MALRD1: variants seen among roughly 807,000 people sequenced by gnomAD.
MALRD1 encodes the protein MAM and LDL-receptor class A domain-containing protein 1.
Under a neutral mutation model 242.1 loss-of-function variants are expected in MALRD1, and 247 were observed. The observed-to-expected ratio is 1.02, with a 90% CI of 0.92 to 1.13. The LOEUF (loss-of-function observed/expected upper bound fraction) is 1.13, where lower values mean the gene tolerates loss of function less well. Among genes scored for constraint, MALRD1 ranks in the 50% most tolerant of loss-of-function variants. The pLI, the probability that MALRD1 is intolerant of heterozygous loss-of-function variation, is 0.00. For synonymous variants in MALRD1, 995 were observed against 866.6 expected, an observed-to-expected ratio of 1.15 and a Z score of -2.60; for missense variants, 2,989 against 2,533.1, an observed-to-expected ratio of 1.18 and a Z score of -3.86.
intron 36 of MALRD1, among the ~76,000 whole-genome samples, chr10:19,635,139 A>G (rs1840072127): frequency 6.6e-6 from 1 of 152,174 alleles, no homozygotes; most frequent in Non-Finnish European, 1.5e-5. Context: ...TTAACTGGAG[A>G]ATGGAAGAAA....
In MALRD1 at chr10:19,573,019, C is replaced by G. The variant is rs117723248; in HGVS notation, c.5680+5316C>G. ...TTACTGCGACCTTAGAAAACTAATA[C>G]AATTGGGAACATTGAACTCTATTTT... On this transcript the variant is annotated intron_variant, in intron 33 of 39. Coordinates refer to ENST00000454679, the MANE Select transcript of MALRD1 (RefSeq NM_001142308.3). Among the ~76,000 whole-genome samples, 35 of 152,286 alleles carry G rather than the reference C, an allele frequency of 2.3e-4. No homozygotes were observed. The East Asian group carries it at 6.4e-3, about 28-fold the overall frequency.
chr10:19,479,860 G>T (rs1268536551), intron 29 of MALRD1, among the ~76,000 whole-genome samples: 1 of 152,152 alleles, frequency 6.6e-6, no homozygotes, highest in African/African-American at 2.4e-5. Flanking sequence ...ACGTGGAGAG[G>T]TACAGAACAT....
chr10:19,479,371 C>G (rs1836885838), intron 29 of MALRD1, among the ~76,000 whole-genome samples: 1 of 152,078 alleles, frequency 6.6e-6, no homozygotes, highest in Non-Finnish European at 1.5e-5. Flanking sequence ...GGAACAGCAC[C>G]TAAGGTGTGA....
upstream of MALRD1, among the ~76,000 whole-genome samples, chr10:19,048,542 A>G (rs375365407): frequency 1.3e-5 from 2 of 152,220 alleles, no homozygotes; most frequent in African/African-American, 4.8e-5. Flanking sequence ...AGGAATTAAG[A>G]CAGACCATTT....
intron 31 of MALRD1, among the ~76,000 whole-genome samples, chr10:19,512,423 G>A (rs1347984439): frequency 1.3e-5 from 2 of 152,172 alleles, no homozygotes; most frequent in South Asian, 2.1e-4. Context: ...AGGCAATCCA[G>A]TCTATTCAGT....
chr10:19,530,180 A>G (rs1269976179), intron 31 of MALRD1, among the ~76,000 whole-genome samples: 2 of 151,132 alleles, frequency 1.3e-5, no homozygotes, highest in Middle Eastern at 3.4e-3. Context: ...TAATACACAA[A>G]TGGTCTGTGG....
chr10:19,071,714 G>A (rs1030438974), intron 2 of MALRD1, among the ~76,000 whole-genome samples: 1 of 152,146 alleles, frequency 6.6e-6, no homozygotes, highest in East Asian at 1.9e-4. Context: ...TAAGTAATAG[G>A]TAGGCTCTGC....
intron 30 of MALRD1, among the ~76,000 whole-genome samples, chr10:19,497,870 AATAG>A (rs1297442189): frequency 1.3e-5 from 2 of 152,204 alleles, no homozygotes; most frequent in African/African-American, 4.8e-5. Context: ...GGTGACTAGA[AATAG>A]ATACAGTTAT....
chr10:19,082,402 A>C (rs990805006), intron 2 of MALRD1, among the ~76,000 whole-genome samples: 2 of 150,200 alleles, frequency 1.3e-5, no homozygotes, highest in South Asian at 4.2e-4. Flanking sequence ...CAGTTATATA[A>C]TTGATTATAA....
At chr10:19,490,702 C>A (rs924398908) in intron 29 of MALRD1, among the ~76,000 whole-genome samples, 2 of 145,610 alleles carry the variant, frequency 1.4e-5, no homozygotes, top group Non-Finnish European at 3.0e-5. Context: ...GCAAAAGACA[C>A]AATACATGCT....
intron 32 of MALRD1, among the ~76,000 whole-genome samples, chr10:19,539,925 C>T: frequency 7.9e-6 from 1 of 126,708 alleles, no homozygotes; most frequent in Non-Finnish European, 1.7e-5. Flanking sequence ...CACACACGCG[C>T]AGTGATGGGG....
chr10:19,123,426 G>T (rs1588577904), intron 5 of MALRD1, 66 bp from the exon 6 acceptor site: 1 of 949,960 alleles, frequency 1.1e-6, no homozygotes, highest in African/African-American at 1.7e-5. Context: ...TAACATTAAA[G>T]CAAAATACTT....
At chr10:19,302,959 G>A (rs894020787) in intron 21 of MALRD1, among the ~76,000 whole-genome samples, 2 of 151,596 alleles carry the variant, frequency 1.3e-5, no homozygotes, top group African/African-American at 4.8e-5. Flanking sequence ...GTTAGGGAAG[G>A]AAATGAAAGA....
At chr10:19,713,146 A>G (rs1331892450) in intron 38 of MALRD1, among the ~76,000 whole-genome samples, 1 of 149,126 alleles carries the variant, frequency 6.7e-6, no homozygotes, top group African/African-American at 2.5e-5. Flanking sequence ...TGCCTATTAA[A>G]CTCTCTACTC....
intron 35 of MALRD1, among the ~76,000 whole-genome samples, chr10:19,614,907 T>G (rs1353848434): frequency 1.3e-5 from 2 of 152,034 alleles, no homozygotes; most frequent in Non-Finnish European, 2.9e-5. Context: ...TGTGTAGAAC[T>G]AGAGAAATAT....
At chr10:19,277,934 T>C (rs1840614428) in intron 19 of MALRD1, among the ~76,000 whole-genome samples, 1 of 152,228 alleles carries the variant, frequency 6.6e-6, no homozygotes, top group African/African-American at 2.4e-5. Context: ...TTAACTATTC[T>C]AACTATTATT....
chr10:19,719,175 C>T (rs2478749), intron 38 of MALRD1, among the ~76,000 whole-genome samples: 8,325 of 31,868 alleles, frequency 0.26, 689 homozygotes, highest in African/African-American at 0.42. Flanking sequence ...TATATACATA[C>T]ATATATATAT....
intron 38 of MALRD1, among the ~76,000 whole-genome samples, chr10:19,719,086 C>T (rs908445179): frequency 6.7e-5 from 10 of 148,798 alleles, no homozygotes. Context: ...TTGCGTGAGT[C>T]CAGGAGGTCA....
intron 38 of MALRD1, among the ~76,000 whole-genome samples, chr10:19,698,890 G>C (rs1476355315): frequency 6.6e-6 from 1 of 152,178 alleles, no homozygotes; most frequent in African/African-American, 2.4e-5. Context: ...CATGCCCTTT[G>C]CAGGGACATG....
Sources: gnomAD v4.1 joint callset for allele counts (sites outside exome capture counted in the v4.1 genomes callset) on GRCh38, gnomAD v4.1.1 for gene constraint, MANE v1.5 for transcripts, NCBI Gene and HGNC (gene_info 2026-07-23, HGNC 2026-07-21) for gene names.